The following SLC1A1 variants were observed in gnomAD, a reference collection of about 807,000 sequenced individuals.
SLC1A1 encodes the protein excitatory amino acid transporter 3.
In SLC1A1, 43 loss-of-function variants were observed where a neutral mutation model predicts 53.3. That is an observed-to-expected ratio of 0.81 (90% confidence interval 0.63 to 1.04). The LOEUF is 1.04. SLC1A1 is among the 50% of genes least tolerant of loss of function. The pLI is 0.00. For missense variants in SLC1A1, 748 were observed against 664.9 expected, an observed-to-expected ratio of 1.12 and a Z score of -1.37; for synonymous variants, 307 against 243.2, an observed-to-expected ratio of 1.26 and a Z score of -2.44.
intron 2 of SLC1A1, among the ~76,000 whole-genome samples, chr9:4,560,811 C>T (rs997616984): frequency 6.6e-6 from 1 of 151,968 alleles, no homozygotes; most frequent in Non-Finnish European, 1.5e-5. Context: ...GCCTGGCCAA[C>T]ATGGTGGAAC....
intron 7 of SLC1A1, among the ~76,000 whole-genome samples, chr9:4,573,559 G>A (rs543942198): frequency 1.2e-4 from 19 of 152,274 alleles, no homozygotes; most frequent in African/African-American, 4.6e-4. Flanking sequence ...GGCAGTGAGG[G>A]TCAAGCTCAA....
intron 3 of SLC1A1, among the ~76,000 whole-genome samples, chr9:4,562,650 G>C (rs1461563906): frequency 6.6e-6 from 1 of 152,122 alleles, no homozygotes; most frequent in Non-Finnish European, 1.5e-5. Flanking sequence ...TCCCACCTAT[G>C]AGTGAGAATA....
At chr9:4,572,808 C>G (rs779298578) in intron 7 of SLC1A1, among the ~76,000 whole-genome samples, 3 of 152,178 alleles carry the variant, frequency 2.0e-5, no homozygotes, top group Non-Finnish European at 4.4e-5. Context: ...TTCATCCTCC[C>G]AAAATGCTGG....
At chr9:4,514,491 T>C (rs1203702464) in intron 1 of SLC1A1, among the ~76,000 whole-genome samples, 1 of 152,142 alleles carries the variant, frequency 6.6e-6, no homozygotes, top group Non-Finnish European at 1.5e-5. Flanking sequence ...GTCACATGGA[T>C]CTTGGAGGAG....
intron 1 of SLC1A1, among the ~76,000 whole-genome samples, chr9:4,518,886 A>G (rs1307582740): frequency 6.6e-6 from 1 of 152,130 alleles, no homozygotes; most frequent in Non-Finnish European, 1.5e-5. Context: ...TTCCTTCTTG[A>G]CTTATAGCAA....
chr9:4,498,546 A>T (rs1820521653), intron 1 of SLC1A1, among the ~76,000 whole-genome samples: 1 of 151,866 alleles, frequency 6.6e-6, no homozygotes. Context: ...GAAAACAAAA[A>T]AAAGCATAGT....
intron 1 of SLC1A1, among the ~76,000 whole-genome samples, chr9:4,535,196 A>G (rs968623814): frequency 3.9e-5 from 6 of 152,184 alleles, no homozygotes; most frequent in African/African-American, 1.4e-4. Flanking sequence ...TAGTGTTGGA[A>G]GTTCTGGCCA....
intron 3 of SLC1A1, among the ~76,000 whole-genome samples, chr9:4,564,011 T>C (rs944302588): frequency 6.6e-6 from 1 of 152,120 alleles, no homozygotes; most frequent in African/African-American, 2.4e-5. Flanking sequence ...GCTGGTCTCA[T>C]AAGTTCAAGA....
intron 3 of SLC1A1, among the ~76,000 whole-genome samples, chr9:4,562,585 T>G (rs1326129802): frequency 1.3e-5 from 2 of 152,212 alleles, no homozygotes; most frequent in African/African-American, 4.8e-5. Flanking sequence ...CATAGTTTTT[T>G]GAAGAATGCT....
At chr9:4,492,248 G>T (rs1488065803) in intron 1 of SLC1A1, among the ~76,000 whole-genome samples, 4 of 152,090 alleles carry the variant, frequency 2.6e-5, no homozygotes, top group African/African-American at 9.7e-5. Context: ...TTTCCTTTAG[G>T]CCAAAGAGAA....
At chr9:4,575,573 G>A (rs930004641) in intron 8 of SLC1A1, among the ~76,000 whole-genome samples, 5 of 152,158 alleles carry the variant, frequency 3.3e-5, no homozygotes, top group Non-Finnish European at 7.4e-5. Flanking sequence ...AGGGTGCCAA[G>A]GAAGGAAGGC....
chr9:4,526,458 A>G (rs553049485), intron 1 of SLC1A1, among the ~76,000 whole-genome samples: 1 of 152,326 alleles, frequency 6.6e-6, no homozygotes, highest in East Asian at 1.9e-4. Context: ...TAGTAGATGT[A>G]TAAAGGCATG....
chr9:4,567,774 T>C lies in SLC1A1; in HGVS notation c.582+7T>C, dbSNP rs201748083. On this transcript the variant is annotated splice_region_variant and intron_variant, in intron 6 of 11. Coordinates refer to ENST00000262352, the MANE Select transcript of SLC1A1 (RefSeq NM_004170.6). The stretch of plus-strand genomic sequence containing the variant: ...GACAACTGCAATTTCCAAGGTACCA[T>C]TCTTATTTCCTGTTCCTCTTCCCCA... The C allele has an allele frequency of 3.4e-5, 52 of 1,543,874 alleles. No individual in the cohort carries two copies. Among genetic ancestry groups the C allele is most frequent in the Admixed American group, 1.0e-4 (6 of 59,864 alleles).
At chr9:4,578,246 A>C (rs1820748016) in intron 10 of SLC1A1, among the ~76,000 whole-genome samples, 1 of 152,228 alleles carries the variant, frequency 6.6e-6, no homozygotes, top group Non-Finnish European at 1.5e-5. Context: ...TCGCGGCTAC[A>C]TCATGATTAG....
chr9:4,527,231 CAGGA>C (rs1816295297), intron 1 of SLC1A1, among the ~76,000 whole-genome samples: 1 of 152,122 alleles, frequency 6.6e-6, no homozygotes, highest in South Asian at 2.1e-4. Flanking sequence ...CCCTAAGCTC[CAGGA>C]AGGAATACAG....
chr9:4,525,032 C>G (rs1385177507), intron 1 of SLC1A1, among the ~76,000 whole-genome samples: 1 of 152,102 alleles, frequency 6.6e-6, no homozygotes, highest in Non-Finnish European at 1.5e-5. Context: ...CATAGCAAGA[C>G]CCACTTACAG....
chr9:4,490,598 C>A lies in SLC1A1; in HGVS notation c.-82C>A. ...TCCCCTGTGCACCCGCATCTCGCCG[C>A]GCCGCCGAGCAGCCAGCAGTCCCCG... is the stretch of plus-strand genomic sequence containing the variant. On this transcript the variant is annotated 5_prime_UTR_variant, in exon 1 of 12. Coordinates refer to ENST00000262352, the MANE Select transcript of SLC1A1 (RefSeq NM_004170.6). 8.7e-7 allele frequency: 1 copy of A among 1,149,922 alleles called. No individual in the cohort carries two copies. Among genetic ancestry groups the A allele is most frequent in the South Asian group, 1.3e-5 (1 of 76,496 alleles). 71.2% of individuals were successfully genotyped at this position (1,149,922 alleles called of 1,614,324 possible). A position where few individuals can be genotyped will look rare whatever the true frequency, so the allele number is the denominator to read the frequency against.
intron 7 of SLC1A1, among the ~76,000 whole-genome samples, chr9:4,573,222 A>G (rs984970426): frequency 1.3e-5 from 2 of 152,168 alleles, no homozygotes; most frequent in Admixed American, 1.3e-4. Context: ...TGTCTCGCTT[A>G]CCTCATATTT....
intron 10 of SLC1A1, among the ~76,000 whole-genome samples, chr9:4,577,912 G>A (rs191522172): frequency 6.4e-4 from 98 of 152,338 alleles, no homozygotes; most frequent in African/African-American, 2.3e-3. Context: ...TGAGGTTGGA[G>A]AAGAGCTAAT....
Sources: gnomAD v4.1 joint callset for allele counts (sites outside exome capture counted in the v4.1 genomes callset) on GRCh38, gnomAD v4.1.1 for gene constraint, MANE v1.5 for transcripts, NCBI Gene and HGNC (gene_info 2026-07-23, HGNC 2026-07-21) for gene names.